Variants in NANOG observed in about 807,000 individuals in gnomAD.
The protein encoded by NANOG is homeobox protein NANOG.
Under a neutral mutation model 17.7 loss-of-function variants are expected in NANOG, and 2 were observed. That is an observed-to-expected ratio of 0.11 (90% CI 0.05 to 0.36). NANOG has a LOEUF of 0.36. NANOG is among the 10% of genes least tolerant of loss of function. NANOG has a pLI of 1.00. For missense variants in NANOG, 174 were observed against 362.1 expected, an observed-to-expected ratio of 0.48 and a Z score of 4.22; for synonymous variants, 81 against 124.7, an observed-to-expected ratio of 0.65 and a Z score of 2.33.
At position 7,794,547 on chromosome 12, in the gene NANOG, A is replaced by G; in HGVS notation, c.501+4A>G. The stretch of plus-strand genomic sequence containing the variant: ...GAATAGCAATGGTGTGACGCAGGTA[A>G]CAGGAAACTTCATTCTGTTCTTTCC... On this transcript the variant is annotated splice_donor_region_variant and intron_variant, in intron 3 of 3. Coordinates refer to ENST00000229307, the MANE Select transcript of NANOG (RefSeq NM_024865.4). 3 of 1,613,152 alleles carry G rather than the reference A, an allele frequency of 1.9e-6. No homozygotes were observed. The highest frequency in any genetic ancestry group is 1.1e-5 in the South Asian group (1 of 90,848).
chr12:7,795,615 C>T lies in NANOG; in HGVS notation c.*520C>T. On this transcript the variant is annotated 3_prime_UTR_variant, in exon 4 of 4. Transcript: ENST00000229307. ...GGATTTACAGGCGTGAGCCACCGCG[C>T]CCTGCCTAGAAAAGACATTTTAATA... is the stretch of plus-strand genomic sequence containing the variant. 1.4e-5 allele frequency: 1 copy of T among 69,838 alleles called. No individual in the cohort carries two copies. The highest frequency in any genetic ancestry group is 2.5e-4 in the East Asian group (1 of 3,964). The allele number at this position is 69,838 out of a possible 1,614,324, so 4.3% of individuals were successfully genotyped here.
chr12:7,790,260 CTA>C (rs1862821743), intron 1 of NANOG, among the ~76,000 whole-genome samples: 1 of 152,192 alleles, frequency 6.6e-6, no homozygotes, highest in South Asian at 2.1e-4. Flanking sequence ...GTAATTCTTT[CTA>C]TGTCAGTAAC....
rs764857837 is a variant in NANOG at position 7,798,104 on chromosome 12, C to A, written c.*3009C>A. ...AGCAGTAAGATTAGTGGGCCAGGTGCCGTGGCTCACACCTGTAATCCCAGC... is the reference window on the plus strand; with the variant it reads ...AGCAGTAAGATTAGTGGGCCAGGTGACGTGGCTCACACCTGTAATCCCAGC... On this transcript the variant is annotated 3_prime_UTR_variant, in exon 4 of 4. Transcript: ENST00000229307. 6.6e-6 allele frequency: 1 copy of A among 152,204 alleles called. No individual in the cohort carries two copies. Among genetic ancestry groups the A allele is most frequent in the East Asian group, 1.9e-4 (1 of 5,182 alleles). The allele number at this position is 152,204 out of a possible 1,614,324, so 9.4% of individuals were successfully genotyped here.
chr12:7,797,509 C>T lies in NANOG; in HGVS notation c.*2414C>T, dbSNP rs1317958298. 1 of 151,350 alleles carries T rather than the reference C, an allele frequency of 6.6e-6. No homozygotes were observed. Among genetic ancestry groups the T allele is most frequent in the Non-Finnish European group, 1.5e-5 (1 of 67,998 alleles). 9.4% of individuals were successfully genotyped at this position (151,350 alleles called of 1,614,324 possible). A position where few individuals can be genotyped will look rare whatever the true frequency, so the allele number is the denominator to read the frequency against. ...AGTGGCTGGTATTACAGGGATTTGC[C>T]ACTATGCCCAGCTAATTCTTTGTAT... is the stretch of plus-strand genomic sequence containing the variant. On this transcript the variant is annotated 3_prime_UTR_variant, in exon 4 of 4. Transcript: ENST00000229307.
At chr12:7,792,384 C>A (rs1295797165) in intron 1 of NANOG, among the ~76,000 whole-genome samples, 1 of 152,078 alleles carries the variant, frequency 6.6e-6, no homozygotes, top group East Asian at 1.9e-4. Flanking sequence ...GTGGTAGCGC[C>A]GGCCTGATGA....
chr12:7,789,787 G>T, intron 1 of NANOG, 22 bp downstream of exon 1: 1 of 1,609,496 alleles, frequency 6.2e-7, no homozygotes, highest in South Asian at 1.1e-5. Flanking sequence ...ATTTATCCTT[G>T]AAAGGCCAAG....
chr12:7,790,716 A>G (rs891233980), intron 1 of NANOG, among the ~76,000 whole-genome samples: 4 of 151,812 alleles, frequency 2.6e-5, no homozygotes, highest in Non-Finnish European at 5.9e-5. Context: ...CATGATTGCT[A>G]TATTTGAGCC....
chr12:7,790,808 T>C (rs1475815782), intron 1 of NANOG, among the ~76,000 whole-genome samples: 1 of 152,186 alleles, frequency 6.6e-6, no homozygotes, highest in Non-Finnish European at 1.5e-5. Flanking sequence ...TGCAATGGTG[T>C]GATCATGGAT....
At chr12:7,794,320 G>A (rs1160717440) in intron 2 of NANOG, 137 bp from the exon 3 acceptor site, 10 of 758,322 alleles carry the variant, frequency 1.3e-5, no homozygotes, top group East Asian at 5.6e-5. Context: ...CAATCTGCCC[G>A]CCTTGGCCTT....
rs1862892391 is a variant in NANOG, at chr12:7,794,700, C to G, written c.523C>G (p.Pro175Ala). 1.2e-6 allele frequency: 2 copies of G among 1,606,704 alleles called. 1 individual carries two copies. The highest frequency in any genetic ancestry group is 2.7e-5 in the African/African-American group (2 of 74,688). Residue 175 changes from proline (P) to alanine (A), a missense_variant, in exon 4 of 4, where the codon CCC becomes GCC. Pro to Ala is a conservative substitution (Grantham distance 27). Coordinates refer to ENST00000229307, the MANE Select transcript of NANOG (RefSeq NM_024865.4). ...TCAGAAGGCCTCAGCACCTACCTAC[C>G]CCAGCCTTTACTCTTCCTACCACCA... is the stretch of plus-strand genomic sequence containing the variant. The part of the protein sequence containing the change: ...VTQKASAPTY[P>A]SLYSSYHQGC...
intron 1 of NANOG, among the ~76,000 whole-genome samples, chr12:7,790,478 C>T (rs2120559858): frequency 6.6e-6 from 1 of 152,244 alleles, no homozygotes; most frequent in African/African-American, 2.4e-5. Flanking sequence ...TGCTAGTACT[C>T]ATGCTTCTGA....
At position 7,793,029 on chromosome 12, in the gene NANOG, C is replaced by A; in HGVS notation, c.231C>A (p.Pro77=). 6.2e-7 allele frequency: 1 copy of A among 1,609,040 alleles called. No homozygotes were observed. Among genetic ancestry groups the A allele is most frequent in the Non-Finnish European group, 8.5e-7 (1 of 1,176,426 alleles). Residue 77 remains proline, a synonymous_variant, in exon 2 of 4, where the codon CCC becomes CCA. Transcript: ENST00000229307. ...CCACCAGTCCCAAAGGCAAACAACC[C>A]ACTTCTGCAGAGAAGAGTGTCGCAA... ...DSSTSPKGKQ[P]TSAEKSVAKK...
Position 7,794,508 on chromosome 12 carries a change from A to G in NANOG, c.466A>G (p.Asn156Asp). 6.2e-7 allele frequency: 1 copy of G among 1,613,688 alleles called. No individual in the cohort carries two copies. Among genetic ancestry groups the G allele is most frequent in the Non-Finnish European group, 8.5e-7 (1 of 1,179,766 alleles). ...QRMKSKRWQK[N>D]NWPKNSNGVT... ...AATGAAATCTAAGAGGTGGCAGAAAAACAACTGGCCGAAGAATAGCAATGG... is the reference window on the plus strand; with the variant it reads ...AATGAAATCTAAGAGGTGGCAGAAAGACAACTGGCCGAAGAATAGCAATGG... Residue 156 changes from asparagine to aspartate, a missense_variant, in exon 3 of 4, where the codon AAC becomes GAC. Asn to Asp is a conservative substitution (Grantham distance 23, BLOSUM62 1). This residue lies in a region of NANOG where 158 missense variants were observed against 244.2 expected (regional missense o/e 0.65). Transcript: ENST00000229307.
chr12:7,794,636 G>C (rs781263220), intron 3 of NANOG, 43 bp from the exon 4 acceptor site: 2 of 1,611,168 alleles, frequency 1.2e-6, no homozygotes, highest in Admixed American at 1.7e-5. Flanking sequence ...GACAGTTCTG[G>C]TTGTCCTTGT....
At chr12:7,793,620 A>G (rs1419625886) in intron 2 of NANOG, among the ~76,000 whole-genome samples, 2 of 152,134 alleles carry the variant, frequency 1.3e-5, no homozygotes, top group Non-Finnish European at 2.9e-5. Context: ...TGTGCATTCA[A>G]TAAGGCCAAT....
chr12:7,792,212 G>A (rs1353923648), intron 1 of NANOG, among the ~76,000 whole-genome samples: 1 of 152,160 alleles, frequency 6.6e-6, no homozygotes, highest in Non-Finnish European at 1.5e-5. Context: ...TGGTTTTATA[G>A]AATCCCCAGA....
At chr12:7,790,384 T>C (rs1415661081) in intron 1 of NANOG, among the ~76,000 whole-genome samples, 1 of 152,210 alleles carries the variant, frequency 6.6e-6, no homozygotes, top group Non-Finnish European at 1.5e-5. Flanking sequence ...GACCCAACTT[T>C]ATGGTAAAGA....
At chr12:7,791,691 A>C (rs960387313) in intron 1 of NANOG, among the ~76,000 whole-genome samples, 2 of 152,214 alleles carry the variant, frequency 1.3e-5, no homozygotes, top group African/African-American at 4.8e-5. Context: ...GACTAAATCT[A>C]GATATTCATT....
chr12:7,794,983 C>CT lies in NANOG; in HGVS notation c.807dup (p.Ala270CysfsTer6), dbSNP rs1862898673. The CT allele has an allele frequency of 7.9e-7, 1 of 1,267,788 alleles. No homozygotes were observed. Among genetic ancestry groups the CT allele is most frequent in the African/African-American group, 1.5e-5 (1 of 68,862 alleles). The allele number at this position is 1,267,788 out of a possible 1,614,324, so 78.5% of individuals were successfully genotyped here. ...AGTGACTTGGAGGCTGCCTTGGAAG[C>CT]TGCTGGGGAAGGCCTTAATGTAATA... On this transcript the variant is annotated frameshift_variant, in exon 4 of 4. Coordinates refer to ENST00000229307, the MANE Select transcript of NANOG (RefSeq NM_024865.4). LOFTEE classifies it low-confidence loss of function (END_TRUNC).
Sources: allele counts gnomAD v4.1 joint callset (sites outside exome capture counted in the v4.1 genomes callset), GRCh38; gene constraint gnomAD v4.1.1; regional missense constraint gnomAD v4.1.1; transcripts MANE v1.5; gene names NCBI Gene and HGNC (gene_info 2026-07-23, HGNC 2026-07-21).